Variants in SGK1 observed in about 807,000 individuals in gnomAD.
SGK1 encodes the protein serum/glucocorticoid regulated kinase 1.
In SGK1, 26 loss-of-function variants were observed where a neutral mutation model predicts 64.2. The ratio of observed to expected loss-of-function variants is 0.40; its 90% CI spans 0.30 to 0.56. The LOEUF (loss-of-function observed/expected upper bound fraction) is 0.56, where lower values mean the gene tolerates loss of function less well. Ranked by LOEUF, SGK1 falls within the 20% of genes least tolerant of loss-of-function variation. SGK1 has a pLI of 0.38. For missense variants in SGK1, 519 were observed against 645.6 expected, an observed-to-expected ratio of 0.80 and a Z score of 2.12; for synonymous variants, 265 against 239.7, an observed-to-expected ratio of 1.11 and a Z score of -0.98.
chr6:134,194,519 T>C (rs1349335005), intron 3 of SGK1, among the ~76,000 whole-genome samples: 1 of 131,986 alleles, frequency 7.6e-6, no homozygotes, highest in Non-Finnish European at 1.6e-5. Context: ...CAAAAGTTTT[T>C]CTTTTTTTTT....
At chr6:134,256,088 C>CTTTTTTTTTT (rs68106923) in intron 2 of SGK1, among the ~76,000 whole-genome samples, 4 of 139,244 alleles carry the variant, frequency 2.9e-5, no homozygotes, top group Admixed American at 1.4e-4. Context: ...GTCCTTTTTC[C>CTTTTTTTTTT]TTTTTTTTTT....
intron 5 of SGK1, 82 bp downstream of exon 5, chr6:134,173,923 G>C: frequency 1.1e-6 from 1 of 904,780 alleles, no homozygotes; most frequent in Non-Finnish European, 1.7e-6. Flanking sequence ...TTCTAGAAAT[G>C]CTATTTTAAT....
At chr6:134,225,910 CA>C (rs1776167731) in intron 2 of SGK1, among the ~76,000 whole-genome samples, 2 of 147,916 alleles carry the variant, frequency 1.4e-5, no homozygotes, top group African/African-American at 5.0e-5. Context: ...CCATCTCTAC[CA>C]AAAAAACAAA....
chr6:134,219,746 T>C (rs1271788501), intron 2 of SGK1, among the ~76,000 whole-genome samples: 1 of 114,686 alleles, frequency 8.7e-6, no homozygotes, highest in Non-Finnish European at 1.7e-5. Context: ...GGCAACAAGA[T>C]CGAAACTCTG....
chr6:134,228,826 G>C (rs1161552308), intron 2 of SGK1, among the ~76,000 whole-genome samples: 1 of 151,436 alleles, frequency 6.6e-6, no homozygotes, highest in East Asian at 1.9e-4. Flanking sequence ...AGAAAATTCA[G>C]GTCTTGTAGT....
chr6:134,247,771 A>G (rs1582740565), intron 2 of SGK1, among the ~76,000 whole-genome samples: 1 of 152,186 alleles, frequency 6.6e-6, no homozygotes, highest in Admixed American at 6.5e-5. Flanking sequence ...ATGTCATACA[A>G]TTTATGCCAT....
intron 3 of SGK1, among the ~76,000 whole-genome samples, chr6:134,197,049 A>G (rs999551918): frequency 5.9e-5 from 9 of 152,130 alleles, no homozygotes; most frequent in South Asian, 2.1e-4. Context: ...CCTGGACAAC[A>G]TGGTGAAACC....
Position 134,302,441 on chromosome 6 carries a change from A to G in SGK1, c.69+14951T>C, listed in dbSNP as rs1258484093. Among the ~76,000 whole-genome samples the G allele has an allele frequency of 2.6e-5, 4 of 152,224 alleles. No homozygotes were observed. In the East Asian group the frequency reaches 5.8e-4, roughly 22 times the overall value. ...AGCCTATAGAAACAACTAAATAACT[A>G]AATGAGAGAATCAACCTGTTGATGA... On this transcript the variant is annotated intron_variant, in intron 1 of 13. Coordinates refer to ENST00000367858, the MANE Select transcript of SGK1 (RefSeq NM_001143676.3).
At chr6:134,306,682 C>A (rs991492500) in intron 1 of SGK1, among the ~76,000 whole-genome samples, 20 of 151,922 alleles carry the variant, frequency 1.3e-4, no homozygotes, top group African/African-American at 4.8e-4. Context: ...CACCACCACA[C>A]CTGGCTAATT....
At chr6:134,206,884 C>CAA (rs781075266) in intron 3 of SGK1, among the ~76,000 whole-genome samples, 3 of 101,044 alleles carry the variant, frequency 3.0e-5, no homozygotes, top group South Asian at 4.4e-4. Flanking sequence ...AAAAAAAAAA[C>CAA]AAAAAAAAAA....
chr6:134,256,534 C>T (rs1776686523), intron 2 of SGK1, among the ~76,000 whole-genome samples: 1 of 152,154 alleles, frequency 6.6e-6, no homozygotes, highest in Non-Finnish European at 1.5e-5. Flanking sequence ...CTTGGTTGAT[C>T]TAGATACTAA....
intron 2 of SGK1, among the ~76,000 whole-genome samples, chr6:134,234,735 G>T (rs1776337553): frequency 6.6e-6 from 1 of 152,118 alleles, no homozygotes; most frequent in Admixed American, 6.5e-5. Context: ...AATTAGCCAG[G>T]TGTGGTGATG....
At chr6:134,215,029 G>T (rs1775954367) in intron 2 of SGK1, 1 of 453,684 alleles carries the variant, frequency 2.2e-6, no homozygotes, top group Non-Finnish European at 4.4e-6. Context: ...AACATCAGAA[G>T]ATGGGGGTGT....
chr6:134,225,924 CAAAAAAAACA>C (rs1051304496), intron 2 of SGK1, among the ~76,000 whole-genome samples: 11 of 145,798 alleles, frequency 7.5e-5, no homozygotes, highest in Middle Eastern at 3.4e-3. Flanking sequence ...AAAACAAAAA[CAAAAAAAACA>C]AAAAAAAACA....
intron 2 of SGK1, among the ~76,000 whole-genome samples, chr6:134,232,429 A>AGAGAGAGAGAGAGAG (rs1562259737): frequency 7.1e-5 from 4 of 56,334 alleles, no homozygotes; most frequent in African/African-American, 4.6e-4. Context: ...GAAAGAAAGA[A>AGAGAGAGAGAGAGAG]AGAAAGAAAG....
chr6:134,260,375 C>CCT (rs1554225479), intron 2 of SGK1: 1 of 27,544 alleles, frequency 3.6e-5, no homozygotes, highest in Non-Finnish European at 8.9e-5. Context: ...CCGACCCCCA[C>CCT]CCCCCCCAAA....
Position 134,172,312 on chromosome 6 carries a change from A to G in SGK1, c.952T>C (p.Leu318=), listed in dbSNP as rs150642168. ...LHSLNIVYRD[L]KPENILLDSQ... is the part of the protein sequence containing the mutation. ...TCTAGCAAAATATTCTCTGGTTTTA[A>G]GTCTCTGTAAAAAAGTGAATAGAAA... Residue 318 remains leucine, a synonymous_variant, in exon 10 of 14, where the codon TTA becomes CTA. Coordinates refer to ENST00000367858, the MANE Select transcript of SGK1 (RefSeq NM_001143676.3). 1.2e-6 allele frequency: 2 copies of G among 1,610,772 alleles called. No homozygotes were observed. Among genetic ancestry groups the G allele is most frequent in the African/African-American group, 2.7e-5 (2 of 74,774 alleles).
At chr6:134,232,343 C>T (rs1043584737) in intron 2 of SGK1, among the ~76,000 whole-genome samples, 1 of 150,330 alleles carries the variant, frequency 6.7e-6, no homozygotes, top group African/African-American at 2.5e-5. Context: ...CAGGATCTCA[C>T]CACTGTACTC....
intron 1 of SGK1, among the ~76,000 whole-genome samples, chr6:134,302,248 T>G (rs1777469711): frequency 6.6e-6 from 1 of 152,224 alleles, no homozygotes; most frequent in Non-Finnish European, 1.5e-5. Flanking sequence ...TTTTTGTCCC[T>G]CAGTGCCTTG....
Sources: gnomAD v4.1 joint callset for allele counts (sites outside exome capture counted in the v4.1 genomes callset) on GRCh38, gnomAD v4.1.1 for gene constraint, MANE v1.5 for transcripts, NCBI Gene and HGNC (gene_info 2026-07-23, HGNC 2026-07-21) for gene names.